Variants in AADACL3 observed in about 807,000 individuals in gnomAD.
The protein encoded by AADACL3 is arylacetamide deacetylase-like 3.
In AADACL3, 13 loss-of-function variants were observed where a neutral mutation model predicts 13.6. That is an observed-to-expected ratio of 0.95 (90% confidence interval 0.62 to 1.52). The LOEUF (loss-of-function observed/expected upper bound fraction) is 1.52. AADACL3 is among the 40% of genes most tolerant of loss of function. AADACL3 has a pLI of 0.00. For synonymous variants in AADACL3, 195 were observed against 197.0 expected (o/e 0.99, Z 0.08); for missense variants, 519 against 499.2 (o/e 1.04, Z -0.38).
chr1:12,725,095 A>G, intron 3 of AADACL3, 127 bp from the exon 4 acceptor site: 1 of 1,023,348 alleles, frequency 9.8e-7, no homozygotes, highest in Non-Finnish European at 1.4e-6. Flanking sequence ...TAAGCCTCAC[A>G]CCTAACTTTA....
chr1:12,728,597 C>G lies in AADACL3; in HGVS notation c.*2601C>G, dbSNP rs865944503. 2 of 152,302 alleles carry G rather than the reference C, an allele frequency of 1.3e-5. No individual in the cohort carries two copies. Among genetic ancestry groups the G allele is most frequent in the Admixed American group, 6.5e-5 (1 of 15,284 alleles). The allele number at this position is 152,302 out of a possible 1,614,324, so 9.4% of individuals were successfully genotyped here. A position where few individuals can be genotyped will look rare whatever the true frequency, so the allele number is the denominator to read the frequency against. Reference sequence around the variant, plus strand: ...TTTTCTCTGAGTTCTCCAGCTTCCTCCCACATTCCAAAGATGTGTATGTTA... The same window carrying G: ...TTTTCTCTGAGTTCTCCAGCTTCCTGCCACATTCCAAAGATGTGTATGTTA... On this transcript the variant is annotated 3_prime_UTR_variant, in exon 4 of 4. Coordinates refer to ENST00000359318, the MANE Select transcript of AADACL3 (RefSeq NM_001103170.3).
At chr1:12,719,992 T>C (rs1648533311) in intron 2 of AADACL3, among the ~76,000 whole-genome samples, 1 of 152,238 alleles carries the variant, frequency 6.6e-6, no homozygotes, top group Admixed American at 6.5e-5. Flanking sequence ...TACATATGTA[T>C]GTACATATAA....
chr1:12,722,725 A>G (rs1471839361), intron 3 of AADACL3, among the ~76,000 whole-genome samples: 1 of 151,296 alleles, frequency 6.6e-6, no homozygotes, highest in Admixed American at 6.6e-5. Context: ...AAAAATAGTG[A>G]ACTTTCTCAC....
chr1:12,719,044 C>T (rs1377242018), intron 1 of AADACL3, among the ~76,000 whole-genome samples: 3 of 152,188 alleles, frequency 2.0e-5, no homozygotes, highest in African/African-American at 2.4e-5. Flanking sequence ...AAAAAATGTA[C>T]CCACACTATA....
At position 12,725,435 on chromosome 1, in the gene AADACL3, C is replaced by A. The variant is rs747575830; in HGVS notation, c.663C>A (p.Ile221=). Residue 221 remains isoleucine, a synonymous_variant, in exon 4 of 4, where the codon ATC becomes ATA. Coordinates refer to ENST00000359318, the MANE Select transcript of AADACL3 (RefSeq NM_001103170.3). ...DLPRIRAQIL[I]YAILQALDLQ... ...CCCGGATCCGGGCTCAGATCCTGAT[C>A]TATGCCATTCTCCAAGCCCTGGATT... 3.7e-6 allele frequency: 6 copies of A among 1,613,846 alleles called. No homozygotes were observed. Among genetic ancestry groups the A allele is most frequent in the Non-Finnish European group, 5.1e-6 (6 of 1,179,936 alleles).
intron 3 of AADACL3, among the ~76,000 whole-genome samples, chr1:12,724,594 C>T (rs912947395): frequency 2.6e-5 from 4 of 152,108 alleles, no homozygotes; most frequent in Non-Finnish European, 5.9e-5. Context: ...AAGTGATCCA[C>T]CTGCCTCACC....
At chr1:12,723,873 T>A (rs1340686419) in intron 3 of AADACL3, among the ~76,000 whole-genome samples, 1 of 73,972 alleles carries the variant, frequency 1.4e-5, no homozygotes, top group African/African-American at 7.0e-5. Flanking sequence ...AACTTCTGCC[T>A]CCTGGGTTCA....
At chr1:12,722,751 G>A (rs1022916706) in intron 3 of AADACL3, among the ~76,000 whole-genome samples, 2 of 151,468 alleles carry the variant, frequency 1.3e-5, no homozygotes, top group Non-Finnish European at 2.9e-5. Flanking sequence ...CTGGATTTCT[G>A]GAATCTCTTA....
At chr1:12,721,830 C>G (rs1036509176) in intron 3 of AADACL3, among the ~76,000 whole-genome samples, 2 of 152,242 alleles carry the variant, frequency 1.3e-5, no homozygotes, top group African/African-American at 4.8e-5. Flanking sequence ...AGTCACCGCC[C>G]AGCCTGGAGC....
Position 12,727,353 on chromosome 1 carries a change from T to C in AADACL3, c.*1357T>C, listed in dbSNP as rs1638391792. ...AATTGAAGGGTAGGGTAAATGGTTG[T>C]TGGGTGGACACCAACACTTATTCTA... is the stretch of plus-strand genomic sequence containing the variant. On this transcript the variant is annotated 3_prime_UTR_variant, in exon 4 of 4. Coordinates refer to ENST00000359318, the MANE Select transcript of AADACL3 (RefSeq NM_001103170.3). The C allele has an allele frequency of 6.6e-6, 1 of 152,186 alleles. No homozygotes were observed. Among genetic ancestry groups the C allele is most frequent in the East Asian group, 1.9e-4 (1 of 5,200 alleles). The allele number at this position is 152,186 out of a possible 1,614,324, so 9.4% of individuals were successfully genotyped here.
At chr1:12,719,132 C>G (rs933676427) in intron 1 of AADACL3, among the ~76,000 whole-genome samples, 14 of 152,166 alleles carry the variant, frequency 9.2e-5, no homozygotes, top group African/African-American at 3.4e-4. Context: ...ATGTTGCGCC[C>G]AGGCTGAGGT....
intron 1 of AADACL3, 145 bp downstream of exon 1, chr1:12,716,489 T>A: frequency 8.5e-7 from 1 of 1,176,456 alleles, no homozygotes; most frequent in Non-Finnish European, 1.3e-6. Context: ...GAAATGTGCA[T>A]AATCCCTATT....
At chr1:12,721,871 C>T (rs930674679) in intron 3 of AADACL3, among the ~76,000 whole-genome samples, 36 of 152,226 alleles carry the variant, frequency 2.4e-4, no homozygotes, top group Non-Finnish European at 1.0e-4. Flanking sequence ...CATGGGGTCC[C>T]CTGTCCTGCT....
At chr1:12,724,495 TC>T (rs1347020426) in intron 3 of AADACL3, among the ~76,000 whole-genome samples, 1 of 152,118 alleles carries the variant, frequency 6.6e-6, no homozygotes, top group African/African-American at 2.4e-5. Context: ...GCTTTTTTTT[TC>T]TTCTTTGAGA....
Position 12,725,994 on chromosome 1 carries a change from T to C in AADACL3, c.1222T>C (p.Ter408ArgextTer27). 1 of 1,606,756 alleles carries C rather than the reference T, an allele frequency of 6.2e-7. No individual in the cohort carries two copies. ...ATTAGTTCAATTTGTAAAGGGACTG[T>C]GACCATCTTTCTTCTCTGCTGGTAC... The part of the protein sequence containing the change: ...SALVQFVKGL[*>R] The change falls in exon 4 of 4, where the codon TGA becomes CGA. Residue 408 changes from the stop codon to arginine (R), a stop_lost. Transcript: ENST00000359318.
At chr1:12,716,821 G>A (rs562114468) in intron 1 of AADACL3, among the ~76,000 whole-genome samples, 26 of 152,302 alleles carry the variant, frequency 1.7e-4, no homozygotes, top group African/African-American at 6.3e-4. Flanking sequence ...CTGAGTCTCT[G>A]GGCCCCCACT....
chr1:12,718,878 T>C (rs1648499018), intron 1 of AADACL3, among the ~76,000 whole-genome samples: 1 of 152,230 alleles, frequency 6.6e-6, no homozygotes, highest in Non-Finnish European at 1.5e-5. Flanking sequence ...TCACCATCAC[T>C]GACTCCTGGC....
chr1:12,726,171 G>C lies in AADACL3; in HGVS notation c.*175G>C. ...ACACAATGCATGCTCCTGATGTCCAGAGGACGTGGTAGAAAAGACAGGTTT... is the reference window on the plus strand; with the variant it reads ...ACACAATGCATGCTCCTGATGTCCACAGGACGTGGTAGAAAAGACAGGTTT... On this transcript the variant is annotated 3_prime_UTR_variant, in exon 4 of 4. Transcript: ENST00000359318. The C allele has an allele frequency of 1.5e-6, 1 of 685,636 alleles. No individual in the cohort carries two copies. Among genetic ancestry groups the C allele is most frequent in the South Asian group, 2.1e-5 (1 of 47,104 alleles). 42.5% of individuals were successfully genotyped at this position (685,636 alleles called of 1,614,324 possible).
At chr1:12,720,029 T>G (rs1190709426) in intron 2 of AADACL3, among the ~76,000 whole-genome samples, 1 of 152,250 alleles carries the variant, frequency 6.6e-6, no homozygotes, top group Non-Finnish European at 1.5e-5. Flanking sequence ...TTCACTATTT[T>G]ACTTATAATC....
Sources: allele counts gnomAD v4.1 joint callset (sites outside exome capture counted in the v4.1 genomes callset), GRCh38; gene constraint gnomAD v4.1.1; transcripts MANE v1.5; gene names NCBI Gene and HGNC (gene_info 2026-07-23, HGNC 2026-07-21).